Variants in MPP3 observed in about 807,000 individuals in gnomAD.
The protein encoded by MPP3 is MAGUK p55 subfamily member 3.
In MPP3, 48 loss-of-function variants were observed where a neutral mutation model predicts 80.7. The ratio of observed to expected loss-of-function variants is 0.59; its 90% CI spans 0.47 to 0.76. The LOEUF (loss-of-function observed/expected upper bound fraction) is 0.76, where lower values mean the gene tolerates loss of function less well. MPP3 is among the 30% of genes least tolerant of loss of function. The probability of loss-of-function intolerance (pLI) is 0.00; values close to 1 mark genes in which losing one functional copy is unlikely to be tolerated. For synonymous variants in MPP3, 311 were observed against 297.6 expected, an observed-to-expected ratio of 1.04 and a Z score of -0.46; for missense variants, 620 against 763.0, an observed-to-expected ratio of 0.81 and a Z score of 2.21.
chr17:43,809,772 G>C (rs1251590682), intron 18 of MPP3, among the ~76,000 whole-genome samples: 1 of 152,046 alleles, frequency 6.6e-6, no homozygotes, highest in Non-Finnish European at 1.5e-5. Flanking sequence ...CCAGCTACTC[G>C]GGAGGCTGAG....
At chr17:43,805,127 TAACA>T (rs2044564142) in intron 19 of MPP3, among the ~76,000 whole-genome samples, 1 of 152,008 alleles carries the variant, frequency 6.6e-6, no homozygotes, top group Non-Finnish European at 1.5e-5. Flanking sequence ...TACAACTCAA[TAACA>T]AAAAATGGAC....
chr17:43,827,502 G>A (rs1393626779), intron 8 of MPP3, among the ~76,000 whole-genome samples: 2 of 152,026 alleles, frequency 1.3e-5, no homozygotes, highest in Admixed American at 6.6e-5. Flanking sequence ...TGATCCGCCT[G>A]CCTCGGCCTC....
At chr17:43,803,801 CTG>C (rs141932800) in intron 19 of MPP3, among the ~76,000 whole-genome samples, 22,722 of 152,166 alleles carry the variant, frequency 0.15, 2,203 homozygotes, top group Non-Finnish European at 0.21. Context: ...ACCGGGGACT[CTG>C]TGTTGAACAG....
intron 14 of MPP3, 38 bp downstream of exon 14, chr17:43,816,000 G>T: frequency 6.8e-7 from 1 of 1,466,460 alleles, no homozygotes; most frequent in African/African-American, 1.5e-5. Flanking sequence ...CTTGGGTGGG[G>T]CAGGTCGTGC....
intron 11 of MPP3, among the ~76,000 whole-genome samples, chr17:43,819,884 G>GGTGA (rs1295491843): frequency 1.3e-5 from 2 of 151,636 alleles, no homozygotes; most frequent in East Asian, 3.9e-4. Flanking sequence ...TTTAGATAAG[G>GGTGA]GTGAGACGTG....
At position 43,801,704 on chromosome 17, in the gene MPP3, C is replaced by T. The variant is rs760715508; in HGVS notation, c.1755G>A (p.Arg585=). 35 of 1,614,052 alleles carry T rather than the reference C, an allele frequency of 2.2e-5. No individual in the cohort carries two copies. Among genetic ancestry groups the T allele is most frequent in the Non-Finnish European group, 2.9e-5 (34 of 1,179,970 alleles). ...DTHWVPVSWV[R] ...GCTTGGATGTTCTGGGATAAAGTTACCTGACCCAACTAACAGGTACCCAGT... is the reference window on the plus strand; with the variant it reads ...GCTTGGATGTTCTGGGATAAAGTTATCTGACCCAACTAACAGGTACCCAGT... The change falls in exon 20 of 20, where the codon AGG becomes AGA. Residue 585 remains arginine, a synonymous_variant. Transcript: ENST00000398389.
At chr17:43,826,830 A>ATT (rs1183945469) in intron 8 of MPP3, among the ~76,000 whole-genome samples, 139 of 137,638 alleles carry the variant, frequency 1.0e-3, no homozygotes, top group African/African-American at 3.0e-3. Flanking sequence ...ATATATATAT[A>ATT]TTTTTTTTTT....
chr17:43,820,590 CAAA>C (rs58538101), intron 11 of MPP3, among the ~76,000 whole-genome samples: 5 of 103,752 alleles, frequency 4.8e-5, no homozygotes, highest in Admixed American at 1.0e-4. Context: ...GACTCTGTCT[CAAA>C]AAAAAAAAAA....
chr17:43,826,838 T>A (rs1277182486), intron 8 of MPP3, among the ~76,000 whole-genome samples: 2,229 of 146,308 alleles, frequency 0.015, 70 homozygotes, highest in African/African-American at 0.057. Context: ...ATATTTTTTT[T>A]TTTTTTCTTT....
intron 9 of MPP3, 26 bp downstream of exon 9, chr17:43,825,730 A>C: frequency 6.6e-7 from 1 of 1,514,776 alleles, no homozygotes; most frequent in Non-Finnish European, 9.2e-7. Context: ...GACCCAGCAC[A>C]TCCCTAGCAG....
intron 19 of MPP3, among the ~76,000 whole-genome samples, chr17:43,802,933 C>A (rs1311048181): frequency 6.6e-6 from 1 of 152,008 alleles, no homozygotes; most frequent in Non-Finnish European, 1.5e-5. Context: ...TTTCAGGATT[C>A]GAGTCCTCAA....
At chr17:43,828,901 T>G (rs2045835066) in intron 7 of MPP3, among the ~76,000 whole-genome samples, 1 of 152,172 alleles carries the variant, frequency 6.6e-6, no homozygotes, top group Admixed American at 6.6e-5. Flanking sequence ...GGCCACTCCA[T>G]TTTACAAGTG....
Position 43,820,851 on chromosome 17 carries a change from C to G in MPP3, c.881+11G>C. On this transcript the variant is annotated intron_variant, in intron 11 of 19. Coordinates refer to ENST00000398389, the MANE Select transcript of MPP3 (RefSeq NM_001932.6). ...CTGGAACCAGCCCTTCACAACATAC[C>G]CCAGACCCACCTCTCCTGGAACCCC... 1.2e-6 allele frequency: 2 copies of G among 1,613,848 alleles called. No homozygotes were observed. Among genetic ancestry groups the G allele is most frequent in the Non-Finnish European group, 1.7e-6 (2 of 1,179,860 alleles).
intron 10 of MPP3, 53 bp downstream of exon 10, chr17:43,823,878 C>T (rs1225858077): frequency 6.9e-6 from 9 of 1,304,714 alleles, no homozygotes; most frequent in Middle Eastern, 2.2e-4. Context: ...CCCCAGCCAG[C>T]GAGCTGCATC....
chr17:43,816,627 C>T, intron 13 of MPP3, 50 bp downstream of exon 13: 4 of 1,541,028 alleles, frequency 2.6e-6, no homozygotes, highest in Non-Finnish European at 3.5e-6. Flanking sequence ...CCCAGACGTT[C>T]CACGGAAAAG....
At chr17:43,820,605 T>TACACACACACACACACAC (rs61249899) in intron 11 of MPP3, among the ~76,000 whole-genome samples, 3 of 125,250 alleles carry the variant, frequency 2.4e-5, no homozygotes, top group African/African-American at 2.9e-5. Flanking sequence ...AAAAAAAAAA[T>TACACACACACACACACAC]ACACACACAC....
chr17:43,813,203 G>A (rs1011656943), intron 16 of MPP3, among the ~76,000 whole-genome samples: 3 of 152,164 alleles, frequency 2.0e-5, no homozygotes, highest in Admixed American at 6.5e-5. Flanking sequence ...GTGCATCCTC[G>A]TTAAGAACAT....
intron 19 of MPP3, among the ~76,000 whole-genome samples, chr17:43,802,844 G>T (rs187844968): frequency 2.4e-4 from 37 of 152,192 alleles, no homozygotes; most frequent in African/African-American, 8.2e-4. Flanking sequence ...CTCCCAAAGA[G>T]ACCTACATTC....
chr17:43,814,235 T>G lies in MPP3; in HGVS notation c.1136A>C (p.His379Pro). 2.5e-6 allele frequency: 4 copies of G among 1,613,616 alleles called. No individual in the cohort carries two copies. Among genetic ancestry groups the G allele is most frequent in the Non-Finnish European group, 3.4e-6 (4 of 1,179,988 alleles). The change falls in exon 15 of 20, where the codon CAC becomes CCC. Residue 379 changes from histidine (H) to proline (P), a missense_variant. His to Pro is a moderately conservative substitution (Grantham distance 77). Transcript: ENST00000398389. Reference protein sequence around the residue: ...LTYEEVARYQHQPGERPRLVV... With the variant: ...LTYEEVARYQPQPGERPRLVV... ...CAGGCGGGGCCGCTCTCCGGGCTGG[T>G]GTTGGTACCTGGCCACCTCTTCGTA...
Sources: allele counts gnomAD v4.1 joint callset (sites outside exome capture counted in the v4.1 genomes callset), GRCh38; gene constraint gnomAD v4.1.1; transcripts MANE v1.5; gene names NCBI Gene and HGNC (gene_info 2026-07-23, HGNC 2026-07-21).